Variants in GPHN observed in about 807,000 individuals in gnomAD.
The protein encoded by GPHN is gephyrin.
GPHN carries 17 observed loss-of-function variants against 95.5 expected under a neutral mutation model. The ratio of observed to expected loss-of-function variants is 0.18; its 90% confidence interval spans 0.12 to 0.27. The LOEUF is 0.27. Ranked by LOEUF, GPHN falls within the 10% of genes least tolerant of loss-of-function variation. The pLI is 1.00. For missense variants in GPHN, 660 were observed against 978.1 expected (o/e 0.67, Z 4.34); for synonymous variants, 320 against 322.5 (o/e 0.99, Z 0.08).
the GPHN span, among the ~76,000 whole-genome samples, chr14:67,378,170 G>A: frequency 6.6e-6 from 1 of 151,032 alleles, no homozygotes; most frequent in African/African-American, 2.4e-5. Context: ...TATACTTGCT[G>A]TCTCTTTACC....
intron 9 of GPHN, among the ~76,000 whole-genome samples, chr14:67,016,861 T>G (rs1490307146): frequency 6.6e-6 from 1 of 152,140 alleles, no homozygotes; most frequent in Non-Finnish European, 1.5e-5. Context: ...TCTACCTATA[T>G]AAAATATATG....
At chr14:66,959,485 A>T (rs1045920359) in intron 8 of GPHN, among the ~76,000 whole-genome samples, 2 of 152,218 alleles carry the variant, frequency 1.3e-5, no homozygotes, top group African/African-American at 2.4e-5. Flanking sequence ...GTTTTTGTTT[A>T]TCTGGGAATA....
intron 4 of GPHN, among the ~76,000 whole-genome samples, chr14:66,864,242 C>G (rs1180697882): frequency 6.6e-6 from 1 of 152,068 alleles, no homozygotes; most frequent in East Asian, 1.9e-4. Context: ...TATCAGAGAA[C>G]TACAAATCAA....
At chr14:66,779,876 A>G (rs904149535) in intron 3 of GPHN, among the ~76,000 whole-genome samples, 9 of 152,068 alleles carry the variant, frequency 5.9e-5, no homozygotes, top group African/African-American at 2.2e-4. Flanking sequence ...TTAAAGCCTT[A>G]CTGTGGTGAA....
At chr14:66,872,161 A>T (rs184615698) in intron 4 of GPHN, among the ~76,000 whole-genome samples, 4 of 152,210 alleles carry the variant, frequency 2.6e-5, no homozygotes, top group African/African-American at 9.6e-5. Context: ...TATAACATCA[A>T]TTAGCATCTA....
chr14:66,509,220 G>A (rs889035208), intron 1 of GPHN: 16 of 153,580 alleles, frequency 1.0e-4, no homozygotes, highest in African/African-American at 3.6e-4. Context: ...CTCGGAAAGT[G>A]TCTGCCTTCT....
chr14:67,668,092 G>A, the GPHN span, among the ~76,000 whole-genome samples: 4 of 152,090 alleles, frequency 2.6e-5, no homozygotes, highest in East Asian at 5.8e-4. Flanking sequence ...AGGGTCTTGT[G>A]TTATACATAC....
chr14:67,599,782 A>AC, the GPHN span, among the ~76,000 whole-genome samples: 11 of 152,282 alleles, frequency 7.2e-5, no homozygotes, highest in Admixed American at 6.5e-5. Flanking sequence ...GAGTGAACCC[A>AC]CGGAGCAGAG....
intron 9 of GPHN, among the ~76,000 whole-genome samples, chr14:66,966,642 TAC>T (rs199797234): frequency 0.012 from 1,824 of 152,122 alleles, 19 homozygotes; most frequent in Non-Finnish European, 0.018. Context: ...AATCCAGTTG[TAC>T]CAGCTAAACT....
intron 1 of GPHN, among the ~76,000 whole-genome samples, chr14:66,674,746 T>C (rs2066492077): frequency 6.6e-6 from 1 of 152,210 alleles, no homozygotes; most frequent in African/African-American, 2.4e-5. Flanking sequence ...TGATTCCATA[T>C]CTTGGATATT....
chr14:67,310,895 C>G, the GPHN span, among the ~76,000 whole-genome samples: 1 of 152,162 alleles, frequency 6.6e-6, no homozygotes. Flanking sequence ...TATAGTCTGT[C>G]ATCGACAGTA....
chr14:66,518,575 G>A (rs111419040), intron 1 of GPHN, among the ~76,000 whole-genome samples: 1 of 152,126 alleles, frequency 6.6e-6, no homozygotes, highest in South Asian at 2.1e-4. Context: ...CTAAGATATA[G>A]ACTCAATCTA....
At chr14:67,072,069 G>A (rs988092079) in intron 11 of GPHN, among the ~76,000 whole-genome samples, 3 of 151,776 alleles carry the variant, frequency 2.0e-5, no homozygotes, top group African/African-American at 7.3e-5. Flanking sequence ...CTATATACAT[G>A]TCTTATTTGC....
intron 2 of GPHN, among the ~76,000 whole-genome samples, chr14:66,691,937 T>C (rs2067808273): frequency 6.6e-6 from 1 of 152,174 alleles, no homozygotes; most frequent in South Asian, 2.1e-4. Context: ...AAAAAGATAA[T>C]AAAAGCTAGA....
chr14:67,635,608 C>G, the GPHN span, among the ~76,000 whole-genome samples: 1 of 152,216 alleles, frequency 6.6e-6, no homozygotes, highest in African/African-American at 2.4e-5. Context: ...ATTCCTAGCA[C>G]TTTGGGAGGC....
intron 2 of GPHN, among the ~76,000 whole-genome samples, chr14:66,754,697 T>G (rs1394759153): frequency 6.6e-6 from 1 of 152,032 alleles, no homozygotes; most frequent in African/African-American, 2.4e-5. Context: ...CACTTTGTAC[T>G]ATTGTGCCTA....
chr14:66,510,788 G>A (rs545421121), intron 1 of GPHN, among the ~76,000 whole-genome samples: 74 of 152,152 alleles, frequency 4.9e-4, no homozygotes, highest in Middle Eastern at 3.4e-3. Context: ...CAATGTAAAG[G>A]CCTTGAAAAG....
the GPHN span, chr14:67,380,854 A>T: frequency 3.3e-6 from 2 of 597,150 alleles, no homozygotes; most frequent in African/African-American, 3.9e-5. Flanking sequence ...ATATGTTGCT[A>T]CATCAACATC....
intron 9 of GPHN, among the ~76,000 whole-genome samples, chr14:66,993,008 G>GT: frequency 6.6e-6 from 1 of 152,216 alleles, no homozygotes; most frequent in East Asian, 1.9e-4. Flanking sequence ...GAGTCCTGCT[G>GT]TAACTGGTTA....
Sources: gnomAD v4.1 joint callset for allele counts (sites outside exome capture counted in the v4.1 genomes callset) on GRCh38, gnomAD v4.1.1 for gene constraint, MANE v1.5 for transcripts, NCBI Gene and HGNC (gene_info 2026-07-23, HGNC 2026-07-21) for gene names.